AUTS2: variants seen among roughly 807,000 people sequenced by gnomAD.
AUTS2 encodes the protein activator of transcription and developmental regulator AUTS2.
AUTS2 carries 17 observed loss-of-function variants against 112.4 expected under a neutral mutation model. The ratio of observed to expected loss-of-function variants is 0.15; its 90% confidence interval spans 0.10 to 0.23. AUTS2 has a LOEUF of 0.23. AUTS2 is among the 10% of genes least tolerant of loss of function. The pLI is 1.00. For synonymous variants in AUTS2, 751 were observed against 702.7 expected (o/e 1.07, Z -1.09); for missense variants, 1,510 against 1,701.6 (o/e 0.89, Z 1.98).
In AUTS2 at chr7:69,760,770, A is replaced by G. The variant is rs536142780; in HGVS notation, c.310-138516A>G. Among the ~76,000 whole-genome samples the G allele has an allele frequency of 2.5e-3, 387 of 152,336 alleles. 1 individual carries two copies. The highest frequency in any genetic ancestry group is 3.4e-3 in the Non-Finnish European group (228 of 68,038). ...GGGAGGTGGAGGTTGCAGTGAGCCG[A>G]GATCGTGCCACTGCACTCCAGCCTG... On this transcript the variant is annotated intron_variant, in intron 1 of 18. Coordinates refer to ENST00000342771, the MANE Select transcript of AUTS2 (RefSeq NM_015570.4).
chr7:70,368,148 C>A (rs1562914578), intron 4 of AUTS2, among the ~76,000 whole-genome samples: 1 of 152,180 alleles, frequency 6.6e-6, no homozygotes. Flanking sequence ...TGATCAAGTT[C>A]TTCTGTGAGC....
intron 5 of AUTS2, among the ~76,000 whole-genome samples, chr7:70,569,755 T>C (rs958265832): frequency 1.3e-5 from 2 of 152,082 alleles, no homozygotes; most frequent in African/African-American, 4.8e-5. Flanking sequence ...TGCTTTACAG[T>C]TGGCCGATTA....
chr7:70,315,677 A>G (rs947046520), intron 4 of AUTS2, among the ~76,000 whole-genome samples: 1 of 152,166 alleles, frequency 6.6e-6, no homozygotes, highest in African/African-American at 2.4e-5. Flanking sequence ...TTGGCTTGAT[A>G]GTCTCTCTCA....
intron 1 of AUTS2, among the ~76,000 whole-genome samples, chr7:69,846,738 T>TA (rs1792218848): frequency 6.6e-6 from 1 of 152,178 alleles, no homozygotes; most frequent in Non-Finnish European, 1.5e-5. Context: ...CATGTCCAGC[T>TA]AATTTTTGTG....
chr7:70,623,164 G>A lies in AUTS2; in HGVS notation c.691-75405G>A, dbSNP rs558463679. On this transcript the variant is annotated intron_variant, in intron 5 of 18. Coordinates refer to ENST00000342771, the MANE Select transcript of AUTS2 (RefSeq NM_015570.4). Reference sequence around the variant, plus strand: ...ACCAGCATGGCCCAACCCCAGATATGTCAAAGCCACAACTGTTGCGTTTGG... The same window carrying A: ...ACCAGCATGGCCCAACCCCAGATATATCAAAGCCACAACTGTTGCGTTTGG... 1.2e-4 allele frequency among the ~76,000 whole-genome samples: 19 copies of A among 152,306 alleles called. 1 individual carries two copies. The highest frequency in any genetic ancestry group is 1.0e-3 in the South Asian group (5 of 4,820).
At chr7:70,699,486 C>T (rs1011280256) in intron 6 of AUTS2, 9 of 152,206 alleles carry the variant, frequency 5.9e-5, no homozygotes, top group Non-Finnish European at 1.2e-4. Context: ...GAGACCATTT[C>T]AGCCTTCTGT....
At chr7:70,659,053 C>A (rs904668807) in intron 5 of AUTS2, among the ~76,000 whole-genome samples, 1 of 152,280 alleles carries the variant, frequency 6.6e-6, no homozygotes, top group South Asian at 2.1e-4. Context: ...CCAGTCCACT[C>A]CCTGGCGGGC....
chr7:70,281,664 CA>C (rs767815830), intron 4 of AUTS2, among the ~76,000 whole-genome samples: 2 of 151,338 alleles, frequency 1.3e-5, no homozygotes, highest in Non-Finnish European at 2.9e-5. Context: ...TCATACTTAC[CA>C]AATGTACTTA....
At chr7:70,463,543 C>G (rs1797054782) in intron 5 of AUTS2, among the ~76,000 whole-genome samples, 1 of 152,192 alleles carries the variant, frequency 6.6e-6, no homozygotes, top group South Asian at 2.1e-4. Flanking sequence ...TAAATCAGCA[C>G]ATTGAGCAGC....
intron 5 of AUTS2, among the ~76,000 whole-genome samples, chr7:70,525,942 G>A (rs527327608): frequency 3.3e-5 from 5 of 152,358 alleles, no homozygotes; most frequent in African/African-American, 1.2e-4. Context: ...CTTCTGGCGG[G>A]AGAGGGTTAG....
chr7:70,067,243 A>G (rs1802538294), intron 2 of AUTS2, among the ~76,000 whole-genome samples: 1 of 152,198 alleles, frequency 6.6e-6, no homozygotes, highest in African/African-American at 2.4e-5. Context: ...AAATTAGCTC[A>G]GTTTACTGCC....
intron 5 of AUTS2, among the ~76,000 whole-genome samples, chr7:70,569,302 A>C (rs1452277799): frequency 6.6e-6 from 1 of 152,182 alleles, no homozygotes; most frequent in Non-Finnish European, 1.5e-5. Flanking sequence ...TTAGCTCATA[A>C]AGTTGGTTCA....
chr7:69,767,316 A>G (rs950204242), intron 1 of AUTS2, among the ~76,000 whole-genome samples: 3 of 151,148 alleles, frequency 2.0e-5, no homozygotes, highest in East Asian at 1.9e-4. Flanking sequence ...AGTAGGGACT[A>G]TAGGCACACA....
chr7:70,390,649 T>C (rs1033089387), intron 4 of AUTS2, among the ~76,000 whole-genome samples: 7 of 151,960 alleles, frequency 4.6e-5, no homozygotes, highest in African/African-American at 1.7e-4. Flanking sequence ...TTAAGATGCA[T>C]TCATTCTGTC....
chr7:70,616,078 G>A (rs900487653), intron 5 of AUTS2, among the ~76,000 whole-genome samples: 21 of 152,232 alleles, frequency 1.4e-4, no homozygotes, highest in Admixed American at 1.0e-3. Flanking sequence ...ATAAAGGAGG[G>A]ATTTCTCCAA....
intron 4 of AUTS2, among the ~76,000 whole-genome samples, chr7:70,281,505 A>T (rs1449553349): frequency 6.6e-6 from 1 of 152,222 alleles, no homozygotes; most frequent in Non-Finnish European, 1.5e-5. Flanking sequence ...GATAGGGTGG[A>T]AACAGGAGCA....
chr7:70,777,050 T>C (rs1790749883), intron 13 of AUTS2, 53 bp from the exon 14 acceptor site: 2 of 1,557,074 alleles, frequency 1.3e-6, no homozygotes, highest in East Asian at 4.5e-5. Context: ...AAATTGAAGG[T>C]GGTTTTCTCT....
chr7:69,955,688 C>A (rs913870021), intron 2 of AUTS2, among the ~76,000 whole-genome samples: 5 of 152,134 alleles, frequency 3.3e-5, no homozygotes, highest in African/African-American at 1.2e-4. Context: ...AACTTGCATG[C>A]CAACCCAAAG....
chr7:70,785,846 G>T lies in AUTS2; in HGVS notation c.2225-109G>T, dbSNP rs139882942. Reference sequence around the variant, plus strand: ...GTAGGAAAAGTGGGACAGGCCAGGTGGGGGCGTAGAGAGGGCAGGGATCCC... The same window carrying T: ...GTAGGAAAAGTGGGACAGGCCAGGTTGGGGCGTAGAGAGGGCAGGGATCCC... On this transcript the variant is annotated intron_variant, in intron 16 of 18. Coordinates refer to ENST00000342771, the MANE Select transcript of AUTS2 (RefSeq NM_015570.4). The T allele has an allele frequency of 3.1e-4, 304 of 973,846 alleles. 1 individual carries two copies. The highest frequency in any genetic ancestry group is 2.6e-3 in the Middle Eastern group (8 of 3,082). 60.3% of individuals were successfully genotyped at this position (973,846 alleles called of 1,614,324 possible).
Sources: gnomAD v4.1 joint callset for allele counts (sites outside exome capture counted in the v4.1 genomes callset) on GRCh38, gnomAD v4.1.1 for gene constraint, MANE v1.5 for transcripts, NCBI Gene and HGNC (gene_info 2026-07-23, HGNC 2026-07-21) for gene names.